ZC3H12B: variants seen among roughly 807,000 people sequenced by gnomAD.
ZC3H12B encodes zinc finger CCCH-type containing 12B.
In ZC3H12B, 7 loss-of-function variants were observed where a neutral mutation model predicts 43.9. The ratio of observed to expected loss-of-function variants is 0.16; its 90% CI spans 0.09 to 0.30. ZC3H12B has a LOEUF of 0.30. Among genes scored for constraint, ZC3H12B ranks in the 10% least tolerant of loss-of-function variants. The probability of loss-of-function intolerance (pLI) is 1.00; values close to 1 mark genes in which losing one functional copy is unlikely to be tolerated. For missense variants in ZC3H12B, 475 were observed against 670.2 expected (o/e 0.71, Z 3.22); for synonymous variants, 222 against 241.7 (o/e 0.92, Z 0.76).
the ZC3H12B span, among the ~76,000 whole-genome samples, chrX:65,134,067 C>T: frequency 4.2e-4 from 46 of 110,301 alleles, no homozygotes; most frequent in East Asian, 1.4e-3. Flanking sequence ...TTAGGTCAGG[C>T]GAGAGTTGAA....
intron 2 of ZC3H12B, among the ~76,000 whole-genome samples, chrX:65,398,169 C>A (rs1365585832): frequency 4.5e-5 from 5 of 111,354 alleles, no homozygotes; most frequent in Non-Finnish European, 7.6e-5. Flanking sequence ...TAGGAAGAAT[C>A]CATATTTTTA....
At chrX:65,382,507 G>A (rs1211962399) in intron 2 of ZC3H12B, among the ~76,000 whole-genome samples, 1 of 111,236 alleles carries the variant, frequency 9.0e-6, no homozygotes, top group African/African-American at 3.3e-5. Context: ...TACTGAATGG[G>A]CAAAAACTGG....
the ZC3H12B span, among the ~76,000 whole-genome samples, chrX:65,236,972 G>C: frequency 9.0e-6 from 1 of 111,324 alleles, no homozygotes; most frequent in Non-Finnish European, 1.9e-5. Context: ...GTTTGATTTT[G>C]GGTAGCATGA....
chrX:65,135,310 G>A, the ZC3H12B span, among the ~76,000 whole-genome samples: 31 of 110,430 alleles, frequency 2.8e-4, no homozygotes, highest in East Asian at 8.2e-3. Context: ...CTCAAGAGGA[G>A]AAGGGAAACC....
At chrX:65,375,645 C>A (rs1291768547) in intron 2 of ZC3H12B, among the ~76,000 whole-genome samples, 1 of 111,173 alleles carries the variant, frequency 9.0e-6, no homozygotes, top group African/African-American at 3.3e-5. Context: ...TTGAGTCCCC[C>A]ATTGTAGGCC....
the ZC3H12B span, among the ~76,000 whole-genome samples, chrX:65,155,764 G>A: frequency 4.5e-5 from 5 of 110,831 alleles, no homozygotes; most frequent in Non-Finnish European, 5.7e-5. Flanking sequence ...GGAGGTTGAT[G>A]TGGGAAGATC....
chrX:65,170,608 G>C, the ZC3H12B span, among the ~76,000 whole-genome samples: 281 of 111,823 alleles, frequency 2.5e-3, 1 homozygote, highest in South Asian at 0.014. Context: ...AAGTTCTCCT[G>C]GATAATATCC....
chrX:65,458,085 TAAAA>T (rs59738258), intron 3 of ZC3H12B, among the ~76,000 whole-genome samples: 3,667 of 48,791 alleles, frequency 0.075, 488 homozygotes, highest in African/African-American at 0.31. Context: ...AAAAAAAAAT[TAAAA>T]AAAAAAAAAA....
At chrX:65,373,270 G>C (rs943999573) in intron 2 of ZC3H12B, among the ~76,000 whole-genome samples, 1 of 112,011 alleles carries the variant, frequency 8.9e-6, no homozygotes, top group Non-Finnish European at 1.9e-5. Flanking sequence ...TGGAGAAATA[G>C]GAATACTTTT....
chrX:65,193,121 T>TC, the ZC3H12B span, among the ~76,000 whole-genome samples: 1 of 109,494 alleles, frequency 9.1e-6, no homozygotes, highest in African/African-American at 3.3e-5. Flanking sequence ...TTTTTTTTTT[T>TC]TTTCTTTTAA....
At chrX:65,411,737 A>G (rs753990578) in intron 3 of ZC3H12B, among the ~76,000 whole-genome samples, 6 of 106,325 alleles carry the variant, frequency 5.6e-5, no homozygotes, top group African/African-American at 2.1e-4. Flanking sequence ...AAATAAATAA[A>G]TAAATAAATA....
At chrX:65,229,904 T>G in the ZC3H12B span, among the ~76,000 whole-genome samples, 1 of 110,738 alleles carries the variant, frequency 9.0e-6, no homozygotes, top group South Asian at 3.9e-4. Context: ...GGAGAGGATG[T>G]GGAGAAATAG....
intron 3 of ZC3H12B, among the ~76,000 whole-genome samples, chrX:65,447,981 C>T (rs1466305884): frequency 1.8e-5 from 2 of 110,723 alleles, no homozygotes; most frequent in Admixed American, 9.6e-5. Flanking sequence ...ACCTGTAATC[C>T]CAGCACTTTG....
chrX:65,289,548 A>C, the ZC3H12B span, among the ~76,000 whole-genome samples: 1 of 109,151 alleles, frequency 9.2e-6, no homozygotes, highest in Non-Finnish European at 1.9e-5. Context: ...ATTTTATGTT[A>C]TATAATTATA....
the ZC3H12B span, among the ~76,000 whole-genome samples, chrX:65,226,857 A>T: frequency 9.0e-6 from 1 of 111,483 alleles, no homozygotes; most frequent in Admixed American, 9.5e-5. Flanking sequence ...ATGCACCCAA[A>T]ACAGGAGCAT....
chrX:65,272,270 T>TAAAAAAA, the ZC3H12B span: 10 of 78,123 alleles, frequency 1.3e-4, no homozygotes, highest in African/African-American at 8.0e-4. Flanking sequence ...CTAAATTTAG[T>TAAAAAAA]AAAAAAAAAA....
At chrX:65,249,417 A>T in the ZC3H12B span, among the ~76,000 whole-genome samples, 1 of 111,963 alleles carries the variant, frequency 8.9e-6, no homozygotes, top group Admixed American at 9.5e-5. Flanking sequence ...CATTGGTCTA[A>T]TTGGTACTTT....
At chrX:65,168,167 T>A in the ZC3H12B span, among the ~76,000 whole-genome samples, 2 of 111,855 alleles carry the variant, frequency 1.8e-5, no homozygotes, top group Non-Finnish European at 1.9e-5. Flanking sequence ...ATATTGGCTG[T>A]GGGTCTGTCA....
chrX:65,071,220 C>A, the ZC3H12B span, among the ~76,000 whole-genome samples: 1 of 102,975 alleles, frequency 9.7e-6, no homozygotes, highest in African/African-American at 3.5e-5. Context: ...TTTCTTTGTT[C>A]TTTTTGATCT....
Sources: allele counts gnomAD v4.1 joint callset (sites outside exome capture counted in the v4.1 genomes callset), GRCh38; gene constraint gnomAD v4.1.1; transcripts MANE v1.5; gene names NCBI Gene and HGNC (gene_info 2026-07-23, HGNC 2026-07-21).